The following SPAG16 variants were observed in gnomAD, a reference collection of about 807,000 sequenced individuals.
The protein encoded by SPAG16 is sperm associated antigen 16, also known as sperm-associated antigen 16 protein.
In SPAG16, 86 loss-of-function variants were observed where a neutral mutation model predicts 80.4. That is an observed-to-expected ratio of 1.07 (90% CI 0.90 to 1.28). The LOEUF is 1.28. SPAG16 is among the 50% of genes most tolerant of loss of function. SPAG16 has a pLI of 0.00. For missense variants in SPAG16, 870 were observed against 765.3 expected, an observed-to-expected ratio of 1.14 and a Z score of -1.61; for synonymous variants, 294 against 265.9, an observed-to-expected ratio of 1.11 and a Z score of -1.03.
intron 13 of SPAG16, among the ~76,000 whole-genome samples, chr2:214,032,562 A>G (rs2048468145): frequency 6.6e-6 from 1 of 152,236 alleles, no homozygotes; most frequent in Non-Finnish European, 1.5e-5. Flanking sequence ...CTAGGATCTG[A>G]GTTTCTGACA....
At chr2:213,316,374 T>G (rs114519535) in intron 4 of SPAG16, among the ~76,000 whole-genome samples, 6 of 152,180 alleles carry the variant, frequency 3.9e-5, no homozygotes, top group Non-Finnish European at 5.9e-5. Flanking sequence ...ACCAACTTCT[T>G]TCAAGCCACC....
chr2:213,660,518 G>A (rs1261402097), intron 10 of SPAG16, among the ~76,000 whole-genome samples: 2 of 152,156 alleles, frequency 1.3e-5, no homozygotes, highest in Non-Finnish European at 2.9e-5. Context: ...CTTGGAACAT[G>A]TCTGGGGGCC....
intron 10 of SPAG16, among the ~76,000 whole-genome samples, chr2:213,838,542 C>A (rs1201211898): frequency 1.3e-5 from 2 of 152,206 alleles, no homozygotes; most frequent in Non-Finnish European, 2.9e-5. Flanking sequence ...TTGAGCAGAA[C>A]TCTGTCACAT....
intron 15 of SPAG16, among the ~76,000 whole-genome samples, chr2:214,222,535 GA>G (rs1219382628): frequency 6.6e-6 from 1 of 152,142 alleles, no homozygotes; most frequent in Admixed American, 6.6e-5. Context: ...TTTAATCTCA[GA>G]AGAAAATTTT....
intron 11 of SPAG16, among the ~76,000 whole-genome samples, chr2:213,929,458 T>G (rs1307264302): frequency 1.3e-5 from 2 of 152,208 alleles, no homozygotes; most frequent in African/African-American, 4.8e-5. Context: ...TCTCTCATGA[T>G]CTAACTCAAA....
At chr2:213,810,755 A>G (rs1414227753) in intron 10 of SPAG16, among the ~76,000 whole-genome samples, 1 of 152,238 alleles carries the variant, frequency 6.6e-6, no homozygotes, top group African/African-American at 2.4e-5. Context: ...GAGCAGAACT[A>G]ACTACCTAGC....
At chr2:214,346,598 A>G (rs1056463788) in intron 15 of SPAG16, among the ~76,000 whole-genome samples, 12 of 152,194 alleles carry the variant, frequency 7.9e-5, no homozygotes, top group Admixed American at 7.9e-4. Context: ...CTGAGGAAAT[A>G]ACGCTATGTG....
chr2:213,875,935 T>C (rs1297787869), intron 11 of SPAG16, among the ~76,000 whole-genome samples: 3 of 140,000 alleles, frequency 2.1e-5, no homozygotes, highest in Non-Finnish European at 4.7e-5. Context: ...AACATTATTT[T>C]GAAACATTTG....
In SPAG16 at chr2:214,273,009, C is replaced by T. The variant is rs1199797198; in HGVS notation, c.1720+123743C>T. ...CTAACTGGTGTGAGATGGTATCTCA[C>T]TGTGGTTTTGATTTGCATTTCTCTG... On this transcript the variant is annotated intron_variant, in intron 15 of 15. Coordinates refer to ENST00000331683, the MANE Select transcript of SPAG16 (RefSeq NM_024532.5). Among the ~76,000 whole-genome samples, 21 of 152,172 alleles carry T rather than the reference C, an allele frequency of 1.4e-4. No homozygotes were observed. The South Asian group carries it at 3.7e-3, about 27-fold the overall frequency.
intron 10 of SPAG16, among the ~76,000 whole-genome samples, chr2:213,852,661 T>C (rs552185153): frequency 6.6e-6 from 1 of 152,326 alleles, no homozygotes; most frequent in Admixed American, 6.5e-5. Flanking sequence ...TAGGAGGTCA[T>C]GTTTTCAATG....
intron 15 of SPAG16, among the ~76,000 whole-genome samples, chr2:214,408,584 G>A (rs1702124645): frequency 6.6e-6 from 1 of 152,098 alleles, no homozygotes; most frequent in Admixed American, 6.5e-5. Flanking sequence ...CTGTTTTAGA[G>A]GTATTCATGA....
chr2:213,517,277 G>T (rs1160589771), intron 10 of SPAG16, among the ~76,000 whole-genome samples: 1 of 152,126 alleles, frequency 6.6e-6, no homozygotes, highest in African/African-American at 2.4e-5. Context: ...TCTACCAGGA[G>T]AATTGCAAAA....
intron 10 of SPAG16, among the ~76,000 whole-genome samples, chr2:213,752,660 C>T (rs2253646): frequency 0.89 from 135,398 of 152,076 alleles, 62,412 homozygotes; most frequent in East Asian, 1. Context: ...TATTTGCTGC[C>T]TTCTTACTCT....
At chr2:213,525,163 TCTC>T (rs2075838985) in intron 10 of SPAG16, among the ~76,000 whole-genome samples, 1 of 152,050 alleles carries the variant, frequency 6.6e-6, no homozygotes, top group Non-Finnish European at 1.5e-5. Context: ...GCTTGGCACT[TCTC>T]CTTGCTGTTG....
intron 10 of SPAG16, among the ~76,000 whole-genome samples, chr2:213,590,421 A>G (rs1387212309): frequency 3.3e-5 from 5 of 151,914 alleles, no homozygotes; most frequent in Non-Finnish European, 7.4e-5. Context: ...TCCAGAGTCT[A>G]TAAAGAACTT....
At chr2:214,369,782 T>C (rs1470262874) in intron 15 of SPAG16, among the ~76,000 whole-genome samples, 2 of 152,024 alleles carry the variant, frequency 1.3e-5, no homozygotes, top group Non-Finnish European at 2.9e-5. Context: ...CTTTTCAAGG[T>C]CAAACTGTCT....
intron 9 of SPAG16, among the ~76,000 whole-genome samples, chr2:213,450,954 A>T (rs760828492): frequency 7.2e-5 from 11 of 152,172 alleles, no homozygotes; most frequent in Non-Finnish European, 1.5e-4. Flanking sequence ...TTTGGAATTA[A>T]TTAAAACCTG....
intron 12 of SPAG16, among the ~76,000 whole-genome samples, chr2:213,950,723 TCCC>T (rs2079722457): frequency 7.8e-6 from 1 of 128,914 alleles, no homozygotes; most frequent in African/African-American, 3.0e-5. Context: ...TTTTTTTTTT[TCCC>T]TCAAGACGGT....
chr2:213,889,274 A>G (rs1422781884), intron 11 of SPAG16, among the ~76,000 whole-genome samples: 3 of 151,934 alleles, frequency 2.0e-5, no homozygotes, highest in Admixed American at 2.0e-4. Flanking sequence ...GTGTATAAAT[A>G]TATCATCTAA....
Sources: allele counts gnomAD v4.1 joint callset (sites outside exome capture counted in the v4.1 genomes callset), GRCh38; gene constraint gnomAD v4.1.1; transcripts MANE v1.5; gene names NCBI Gene and HGNC (gene_info 2026-07-23, HGNC 2026-07-21).